NAV1: variants seen among roughly 807,000 people sequenced by gnomAD.
NAV1 encodes pore membrane and/or filament interacting like protein 3.
Under a neutral mutation model 175.2 loss-of-function variants are expected in NAV1, and 18 were observed. The observed-to-expected ratio is 0.10, with a 90% confidence interval of 0.07 to 0.15. NAV1 has a LOEUF of 0.15. Ranked by LOEUF, NAV1 falls within the 10% of genes least tolerant of loss-of-function variation. The pLI, the probability that NAV1 is intolerant of heterozygous loss-of-function variation, is 1.00. For synonymous variants in NAV1, 897 were observed against 978.7 expected, an observed-to-expected ratio of 0.92 and a Z score of 1.56; for missense variants, 1,731 against 2,436.6, an observed-to-expected ratio of 0.71 and a Z score of 6.10.
At chr1:201,661,495 G>T (rs1176031354) in intron 1 of NAV1, among the ~76,000 whole-genome samples, 1 of 152,174 alleles carries the variant, frequency 6.6e-6, no homozygotes, top group Non-Finnish European at 1.5e-5. Context: ...AACTAGAATG[G>T]TCTGGAAGAG....
Position 201,808,370 on chromosome 1 carries a change from C to T in NAV1, c.3846-48C>T, listed in dbSNP as rs1341595628. ...CATGCCTCTCAATATTCTCTAGTAACTCTAGTGCTTCTTCATGTAGCCTGG... is the reference window on the plus strand; with the variant it reads ...CATGCCTCTCAATATTCTCTAGTAATTCTAGTGCTTCTTCATGTAGCCTGG... On this transcript the variant is annotated intron_variant, in intron 18 of 29. Coordinates refer to ENST00000367296, the Ensembl canonical transcript of NAV1. This position sits in a 1 kb window ranked among gnomAD's most constrained non-coding sequence, Gnocchi z 5.5. 1 of 1,567,514 alleles carries T rather than the reference C, an allele frequency of 6.4e-7. No individual in the cohort carries two copies. Among genetic ancestry groups the T allele is most frequent in the Non-Finnish European group, 8.6e-7 (1 of 1,156,708 alleles).
intron 3 of NAV1, among the ~76,000 whole-genome samples, chr1:201,764,992 T>C (rs971055401): frequency 3.3e-5 from 5 of 152,166 alleles, no homozygotes; most frequent in Non-Finnish European, 5.9e-5. Flanking sequence ...TGAACCTTTA[T>C]CAGAAAGGAG....
intron 2 of NAV1, among the ~76,000 whole-genome samples, chr1:201,611,650 C>G (rs1277805536): frequency 6.6e-6 from 1 of 152,304 alleles, no homozygotes; most frequent in East Asian, 1.9e-4. Context: ...ACCCTTAGCT[C>G]CATGTGTGAG....
intron 3 of NAV1, among the ~76,000 whole-genome samples, chr1:201,769,510 T>C (rs1459362344): frequency 6.6e-6 from 1 of 152,248 alleles, no homozygotes; most frequent in Non-Finnish European, 1.5e-5. Context: ...GTTGGTATAG[T>C]GATGGGGACT....
chr1:201,572,065 T>C (rs1555932), intron 1 of NAV1, among the ~76,000 whole-genome samples: 20,064 of 152,136 alleles, frequency 0.13, 1,347 homozygotes, highest in Admixed American at 0.15. Context: ...AGACAAAAGG[T>C]CCTATATGAG....
chr1:201,644,326 C>T (rs1346463385), upstream of NAV1, among the ~76,000 whole-genome samples: 10 of 152,164 alleles, frequency 6.6e-5, no homozygotes, highest in South Asian at 2.1e-4. Context: ...TTTTAGGAAT[C>T]ACTCGAGGAA....
chr1:201,587,999 G>GT (rs1281791017), intron 1 of NAV1, among the ~76,000 whole-genome samples: 1 of 152,176 alleles, frequency 6.6e-6, no homozygotes, highest in African/African-American at 2.4e-5. Context: ...TTGGAAAACA[G>GT]TTTGGCAATT....
At chr1:201,819,910 C>T in exon 30 of NAV1, 2 of 1,614,182 alleles carry the variant, frequency 1.2e-6, no homozygotes, top group Non-Finnish European at 1.7e-6. Context: ...ATCCTGGACC[C>T]CAACCTTCAG....
At position 201,812,251 on chromosome 1, in the gene NAV1, C is replaced by T. The variant is rs149558056; in HGVS notation, c.5025-214C>T. On this transcript the variant is annotated intron_variant, in intron 26 of 29. Coordinates refer to ENST00000367296, the Ensembl canonical transcript of NAV1. The surrounding 1 kb of genome is among the most constrained non-coding windows in gnomAD (Gnocchi z 4.6). The stretch of plus-strand genomic sequence containing the variant: ...ACACGCTGATCTGGGTCAGTGATGT[C>T]AGAAGGTTATCCGAAGAGGGCTACC... Among the ~76,000 whole-genome samples, 44 of 152,300 alleles carry T rather than the reference C, an allele frequency of 2.9e-4. No homozygotes were observed. Among genetic ancestry groups the T allele is most frequent in the African/African-American group, 1.1e-3 (44 of 41,580 alleles).
Position 201,788,399 on chromosome 1 carries a change from GCTGATGA to G in NAV1, c.2996-67_2996-61del. ...GCTCCATCCCCCAAGGGCCCGGAGA[GCTGATGA>G]CCCTGCCTCTTTTCCTGCCCTCCTG... On this transcript the variant is annotated intron_variant, in intron 9 of 29. Coordinates refer to ENST00000367296, the Ensembl canonical transcript of NAV1. This position sits in a 1 kb window ranked among gnomAD's most constrained non-coding sequence, Gnocchi z 5.7. 2.6e-6 allele frequency: 4 copies of G among 1,562,890 alleles called. No homozygotes were observed. The highest frequency in any genetic ancestry group is 3.5e-6 in the Non-Finnish European group (4 of 1,139,102).
exon 2 of NAV1, chr1:201,629,445 G>T (rs114835792): frequency 7.7e-7 from 1 of 1,304,242 alleles, no homozygotes; most frequent in African/African-American, 1.5e-5. Flanking sequence ...TCCCAGGGCA[G>T]CTGGCCCCTT....
chr1:201,819,526 A>G (rs1207520410), intron 29 of NAV1, among the ~76,000 whole-genome samples: 1 of 151,534 alleles, frequency 6.6e-6, no homozygotes, highest in African/African-American at 2.4e-5. Flanking sequence ...ATGATATCAA[A>G]GCTCACTGCT....
intron 3 of NAV1, among the ~76,000 whole-genome samples, chr1:201,755,377 C>T (rs1674390211): frequency 6.6e-6 from 1 of 151,962 alleles, no homozygotes; most frequent in African/African-American, 2.4e-5. Flanking sequence ...GCCATGATTA[C>T]ACCACTGCAC....
rs746653920 is a variant in NAV1, at chr1:201,718,655, G to A, written c.1126G>A (p.Glu376Lys). The stretch of plus-strand genomic sequence containing the variant: ...CCATATCTCCCGCCTGGAGCTGGTC[G>A]AATCCCTGGACTCGGATGAGGTGGA... Residue 376 changes from glutamate (E) to lysine (K), a missense_variant, in exon 3 of 30, where the codon GAA becomes AAA. Glu to Lys is a moderately conservative substitution (Grantham distance 56). Coordinates refer to ENST00000367296, the Ensembl canonical transcript of NAV1. This position sits in a 1 kb window ranked among gnomAD's most constrained non-coding sequence, Gnocchi z 4.8. The A allele has an allele frequency of 1.2e-6, 2 of 1,614,152 alleles. No homozygotes were observed. Among genetic ancestry groups the A allele is most frequent in the Non-Finnish European group, 1.7e-6 (2 of 1,180,024 alleles).
At chr1:201,747,248 C>T (rs59680548) in intron 3 of NAV1, among the ~76,000 whole-genome samples, 2,059 of 152,276 alleles carry the variant, frequency 0.014, 55 homozygotes, top group African/African-American at 0.048. Flanking sequence ...ACACACGGTC[C>T]TGCCTGTGTG....
intron 2 of NAV1, among the ~76,000 whole-genome samples, chr1:201,714,258 C>T (rs1672040097): frequency 1.3e-5 from 2 of 152,344 alleles, no homozygotes; most frequent in African/African-American, 2.4e-5. Context: ...ATTGCAGCAA[C>T]TCTGATGTGG....
intron 1 of NAV1, among the ~76,000 whole-genome samples, chr1:201,546,720 A>G (rs1187401741): frequency 1.3e-5 from 2 of 151,898 alleles, no homozygotes; most frequent in African/African-American, 2.4e-5. Context: ...CTGGTCCAAC[A>G]TGGTAAAACC....
chr1:201,742,753 A>AG (rs774183669), intron 3 of NAV1, among the ~76,000 whole-genome samples: 1 of 152,100 alleles, frequency 6.6e-6, no homozygotes, highest in Non-Finnish European at 1.5e-5. Flanking sequence ...CCTCTGTGAG[A>AG]GGACAGAATA....
chr1:201,783,557 C>T, exon 7 of NAV1: 1 of 1,614,212 alleles, frequency 6.2e-7, no homozygotes, highest in Non-Finnish European at 8.5e-7. Context: ...TGGGGGCCCT[C>T]TCCCTTCCTG....
Sources: gnomAD v4.1 joint callset for allele counts (sites outside exome capture counted in the v4.1 genomes callset) on GRCh38, gnomAD v4.1.1 for gene constraint, Gnocchi (gnomAD v3.1) non-coding constraint, MANE v1.5 for transcripts, NCBI Gene and HGNC (gene_info 2026-07-23, HGNC 2026-07-21) for gene names.